Variants in ZNF469 observed in about 807,000 individuals in gnomAD.
ZNF469 encodes the protein zinc finger protein 469.
Under a neutral mutation model 1.0 loss-of-function variants are expected in ZNF469, and 1 was observed. The observed-to-expected ratio is 1.00, with a 90% CI of 0.35 to 4.73. ZNF469 has a LOEUF of 4.73. ZNF469 is among the 30% of genes most tolerant of loss of function. The probability of loss-of-function intolerance (pLI) is 0.16; values close to 1 mark genes in which losing one functional copy is unlikely to be tolerated. For missense variants in ZNF469, 6,100 were observed against 5,356.3 expected, an observed-to-expected ratio of 1.14 and a Z score of -4.33; for synonymous variants, 2,703 against 2,363.4, an observed-to-expected ratio of 1.14 and a Z score of -4.17.
the ZNF469 span, among the ~76,000 whole-genome samples, chr16:88,335,563 T>C: frequency 6.6e-6 from 1 of 152,222 alleles, no homozygotes; most frequent in African/African-American, 2.4e-5. Flanking sequence ...GGGCCTCTGA[T>C]GACCCAGCCA....
rs902647292 is a variant in ZNF469 at position 88,436,837 on chromosome 16, C to G, written c.9367C>G (p.Arg3123Gly). The change falls in exon 3 of 3, where the codon CGC becomes GGC. Residue 3123 changes from arginine (R) to glycine (G), a missense_variant. Transcript: ENST00000565624. ...ASYKCKVCFQRFRSLGELDLH... is the reference protein window; with the variant it reads ...ASYKCKVCFQGFRSLGELDLH... ...CTACAAGTGCAAAGTGTGCTTCCAG[C>G]GCTTCCGCAGCCTGGGCGAGCTGGA... is the stretch of plus-strand genomic sequence containing the variant. 2 of 1,534,754 alleles carry G rather than the reference C, an allele frequency of 1.3e-6. No homozygotes were observed. The highest frequency in any genetic ancestry group is 1.7e-6 in the Non-Finnish European group (2 of 1,144,312).
chr16:88,287,063 G>C, the ZNF469 span, among the ~76,000 whole-genome samples: 1 of 152,194 alleles, frequency 6.6e-6, no homozygotes, highest in South Asian at 2.1e-4. Context: ...CCAAACACTA[G>C]ATTTTTCTTG....
chr16:88,400,654 C>T (rs934855103), intron 1 of ZNF469, among the ~76,000 whole-genome samples: 1 of 152,162 alleles, frequency 6.6e-6, no homozygotes, highest in Non-Finnish European at 1.5e-5. Context: ...TCTGTCCCCA[C>T]AGTCATGGGT....
chr16:88,332,397 C>T, the ZNF469 span, among the ~76,000 whole-genome samples: 3 of 152,344 alleles, frequency 2.0e-5, no homozygotes, highest in Middle Eastern at 3.4e-3. Context: ...TGTGCCGTCA[C>T]CGCGTGCCCT....
At chr16:88,244,389 A>ATGGG in the ZNF469 span, among the ~76,000 whole-genome samples, 8 of 109,570 alleles carry the variant, frequency 7.3e-5, no homozygotes, top group African/African-American at 2.5e-4. Flanking sequence ...GGGTGAATGC[A>ATGGG]TGGGTGGATG....
At chr16:88,223,620 C>G in the ZNF469 span, among the ~76,000 whole-genome samples, 3 of 152,140 alleles carry the variant, frequency 2.0e-5, no homozygotes, top group Non-Finnish European at 2.9e-5. Flanking sequence ...GGAATGATGC[C>G]TCGACCCTGG....
chr16:88,117,686 G>A, the ZNF469 span, among the ~76,000 whole-genome samples: 12 of 151,560 alleles, frequency 7.9e-5, no homozygotes, highest in East Asian at 2.0e-3. Context: ...ACGTGTCTTC[G>A]GGGACCGTGG....
At chr16:88,218,414 T>C in the ZNF469 span, among the ~76,000 whole-genome samples, 486 of 150,958 alleles carry the variant, frequency 3.2e-3, 2 homozygotes, top group African/African-American at 0.01. Context: ...CTGATGGTAG[T>C]TTCTTTTGCT....
upstream of ZNF469, among the ~76,000 whole-genome samples, chr16:88,380,001 G>A (rs534920265): frequency 1.6e-3 from 244 of 152,202 alleles, no homozygotes; most frequent in Non-Finnish European, 2.6e-3. Flanking sequence ...GCATTCAGGT[G>A]CCCCAGGGCT....
At chr16:88,195,811 G>A in the ZNF469 span, among the ~76,000 whole-genome samples, 3,456 of 152,326 alleles carry the variant, frequency 0.023, 107 homozygotes, top group East Asian at 0.14. Flanking sequence ...GCTGTCTCCA[G>A]GGAAATCTCT....
At chr16:88,184,944 TC>T in the ZNF469 span, among the ~76,000 whole-genome samples, 5,248 of 151,916 alleles carry the variant, frequency 0.035, 99 homozygotes, top group Middle Eastern at 0.065. Context: ...ACCCTCACAC[TC>T]ATGTGAACAC....
chr16:88,189,352 C>T, the ZNF469 span, among the ~76,000 whole-genome samples: 1 of 152,112 alleles, frequency 6.6e-6, no homozygotes, highest in Admixed American at 6.5e-5. The surrounding 1 kb of genome is among the most constrained non-coding windows in gnomAD (Gnocchi z 4.3). Context: ...TGGTTCTTCC[C>T]AACCGGGGTC....
chr16:88,407,163 T>G (rs1375934869), intron 1 of ZNF469, among the ~76,000 whole-genome samples: 1 of 105,024 alleles, frequency 9.5e-6, no homozygotes, highest in African/African-American at 4.3e-5. Context: ...CAGCTGTCCC[T>G]GAGTGGGCGG....
intron 1 of ZNF469, among the ~76,000 whole-genome samples, chr16:88,390,103 G>A (rs916704212): frequency 3.3e-5 from 5 of 152,210 alleles, no homozygotes. Context: ...GACTTTCGGG[G>A]GCCACTAGAC....
the ZNF469 span, among the ~76,000 whole-genome samples, chr16:88,261,781 A>G: frequency 2.6e-5 from 4 of 152,034 alleles, no homozygotes; most frequent in Non-Finnish European, 4.4e-5. The surrounding 1 kb of genome is among the most constrained non-coding windows in gnomAD (Gnocchi z 6.0). Context: ...GGCTGTGGGG[A>G]GAGGCAGGGA....
rs1229402050 is a variant in ZNF469, at chr16:88,438,938, C to T, written c.11468C>T (p.Pro3823Leu). Residue 3823 changes from proline (P) to leucine (L), a missense_variant, in exon 3 of 3, where the codon CCA becomes CTA. Transcript: ENST00000565624. ...ACGAAGAGGAAAAAGGGCCAGGTCC[C>T]AGGGCCAGCCAGGAGTGAAAGTGTG... is the stretch of plus-strand genomic sequence containing the variant. Reference protein sequence around the residue: ...SSTKRKKGQVPGPARSESVGS... With the variant: ...SSTKRKKGQVLGPARSESVGS... 3.9e-6 allele frequency: 6 copies of T among 1,550,410 alleles called. No homozygotes were observed. Among genetic ancestry groups the T allele is most frequent in the Non-Finnish European group, 5.2e-6 (6 of 1,146,986 alleles).
the ZNF469 span, among the ~76,000 whole-genome samples, chr16:88,330,781 G>A: frequency 6.6e-6 from 1 of 152,196 alleles, no homozygotes. Flanking sequence ...ACTGCCGCAT[G>A]CTACCTGTTT....
chr16:88,254,357 T>A, the ZNF469 span, among the ~76,000 whole-genome samples: 1 of 152,346 alleles, frequency 6.6e-6, no homozygotes, highest in Non-Finnish European at 1.5e-5. Context: ...TTTATTGAAC[T>A]ATTTGTCCAT....
intron 1 of ZNF469, among the ~76,000 whole-genome samples, chr16:88,398,343 GGGACACGTGAGCCACGGATGAAGGA>G (rs1904751267): frequency 6.6e-6 from 1 of 151,956 alleles, no homozygotes; most frequent in African/African-American, 2.4e-5. Flanking sequence ...CACGGGTGAA[GGGACACGTGAGCCACGGATGAAGGA>G]GGACCCGTGA....
Sources: gnomAD v4.1 joint callset for allele counts (sites outside exome capture counted in the v4.1 genomes callset) on GRCh38, gnomAD v4.1.1 for gene constraint, Gnocchi (gnomAD v3.1) non-coding constraint, MANE v1.5 for transcripts, NCBI Gene and HGNC (gene_info 2026-07-23, HGNC 2026-07-21) for gene names.